ZNF263: variants seen among roughly 807,000 people sequenced by gnomAD.
ZNF263 encodes the protein zinc finger protein FPM315.
In ZNF263, 49 loss-of-function variants were observed where a neutral mutation model predicts 63.1. The observed-to-expected ratio is 0.78, with a 90% confidence interval of 0.62 to 0.99. The LOEUF is 0.99. ZNF263 is among the 50% of genes least tolerant of loss of function. ZNF263 has a pLI of 0.00. For synonymous variants in ZNF263, 352 were observed against 324.2 expected (o/e 1.09, Z -0.92); for missense variants, 872 against 854.8 (o/e 1.02, Z -0.25).
At chr16:3,296,041 T>C (rs1959736417), downstream of ZNF263, among the ~76,000 whole-genome samples, 1 of 152,112 alleles carries the variant, frequency 6.6e-6, no homozygotes, top group Non-Finnish European at 1.5e-5. Flanking sequence ...TTCACAACTT[T>C]AAACCCAGCT....
chr16:3,299,903 CA>C, intron 2 of ZNF263: 10 of 1,609,352 alleles, frequency 6.2e-6, no homozygotes, highest in Non-Finnish European at 8.5e-6. Context: ...TCCTCTTTCA[CA>C]CTTTTGGGCA....
At chr16:3,300,674 G>A in intron 2 of ZNF263, 1 of 1,512,106 alleles carries the variant, frequency 6.6e-7, no homozygotes, top group Non-Finnish European at 8.8e-7. Flanking sequence ...TTAATGAATT[G>A]GCAAAAAAAA....
downstream of ZNF263, among the ~76,000 whole-genome samples, chr16:3,293,971 G>A (rs956467194): frequency 6.6e-6 from 1 of 152,200 alleles, no homozygotes. Flanking sequence ...TGTCACCCAG[G>A]CTGGAGTGCA....
intron 2 of ZNF263, chr16:3,299,756 C>A: frequency 1.3e-6 from 2 of 1,547,174 alleles, no homozygotes; most frequent in Non-Finnish European, 1.7e-6. Flanking sequence ...CTGACGTCCT[C>A]GTCATGAAAT....
At position 3,299,988 on chromosome 16, in the gene ZNF263, C is replaced by A. The variant is rs567650006; in HGVS notation, c.*46+832C>A. On this transcript the variant is annotated intron_variant, in intron 2 of 2. Transcript: ENST00000574674. ...CATTTGCACATAAAAAGGCAGACAA[C>A]CTTTCTTTGTTTATTTTCTTCCCTG... The A allele has an allele frequency of 4.0e-5, 64 of 1,613,920 alleles. No homozygotes were observed. The highest frequency in any genetic ancestry group is 6.7e-5 in the Admixed American group (4 of 59,976).
intron 4 of ZNF263, among the ~76,000 whole-genome samples, chr16:3,287,259 C>T (rs1273300713): frequency 1.3e-5 from 2 of 152,224 alleles, no homozygotes; most frequent in East Asian, 1.9e-4. Context: ...TACAGGCATG[C>T]GCCACCACAC....
downstream of ZNF263, among the ~76,000 whole-genome samples, chr16:3,292,069 G>A (rs1596374480): frequency 1.3e-5 from 2 of 152,138 alleles, no homozygotes; most frequent in African/African-American, 4.8e-5. Flanking sequence ...TTTTAGAATG[G>A]CATATCAGAA....
rs150137943 is a variant in ZNF263, at chr16:3,290,462, G to A, written c.1956G>A (p.Thr652=). Residue 652 remains threonine (T), a synonymous_variant, in exon 6 of 6, where the codon ACG becomes ACA. Transcript: ENST00000219069. ...HSSNRIRHLR[T]HTGERPYKCS... ...CCAATCGGATTCGCCACCTGAGAAC[G>A]CATACGGGAGAGAGACCCTATAAAT... is the stretch of plus-strand genomic sequence containing the variant. The A allele has an allele frequency of 6.9e-5, 112 of 1,614,020 alleles. No individual in the cohort carries two copies. Among genetic ancestry groups the A allele is most frequent in the Admixed American group, 2.8e-4 (17 of 60,014 alleles).
Position 3,289,461 on chromosome 16 carries a change from C to T in ZNF263, c.955C>T (p.Leu319=), listed in dbSNP as rs758946655. The T allele has an allele frequency of 1.3e-6, 2 of 1,531,722 alleles. No individual in the cohort carries two copies. The highest frequency in any genetic ancestry group is 4.5e-5 in the East Asian group (2 of 44,308). The allele number at this position is 1,531,722 out of a possible 1,614,324, so 94.9% of individuals were successfully genotyped here. A position where few individuals can be genotyped will look rare whatever the true frequency, so the allele number is the denominator to read the frequency against. ...VCSENIHPQV[L]LPDQARGEVP... ...CTCTGAGAACATCCACCCTCAGGTG[C>T]TGCTTCCTGACCAGGCCCGAGGGGA... is the stretch of plus-strand genomic sequence containing the variant. The change falls in exon 6 of 6, where the codon CTG becomes TTG. Residue 319 remains leucine (L), a synonymous_variant. Transcript: ENST00000219069.
rs781282062 is a variant in ZNF263, at chr16:3,283,990, G to A, written c.172G>A (p.Ala58Thr). 6.2e-7 allele frequency: 1 copy of A among 1,613,888 alleles called. No homozygotes were observed. Among genetic ancestry groups the A allele is most frequent in the East Asian group, 2.2e-5 (1 of 44,864 alleles). ...RFQEAAGPRE[A>T]LSRLQELCHG... Reference sequence around the variant, plus strand: ...CCAAGAGGCAGCTGGTCCCCGGGAAGCCCTCAGCCGGCTCCAAGAGCTTTG... The same window carrying A: ...CCAAGAGGCAGCTGGTCCCCGGGAAACCCTCAGCCGGCTCCAAGAGCTTTG... Residue 58 changes from alanine (A) to threonine (T), a missense_variant, in exon 1 of 6, where the codon GCC (alanine) becomes ACC (threonine). Coordinates refer to ENST00000219069, the MANE Select transcript of ZNF263 (RefSeq NM_005741.5).
chr16:3,294,397 A>C (rs551427199), downstream of ZNF263, among the ~76,000 whole-genome samples: 3 of 152,376 alleles, frequency 2.0e-5, no homozygotes, highest in South Asian at 6.2e-4. Context: ...AAAACCAACT[A>C]GCAAATTTCT....
In ZNF263 at chr16:3,290,169, G is replaced by A. The variant is rs1959555720; in HGVS notation, c.1663G>A (p.Val555Met). 6.2e-7 allele frequency: 1 copy of A among 1,614,156 alleles called. No homozygotes were observed. Among genetic ancestry groups the A allele is most frequent in the Non-Finnish European group, 8.5e-7 (1 of 1,180,022 alleles). ...LYPFSECGEA[V>M]SDSTPFLTNH... ...CCCCTTCTCTGAGTGTGGGGAAGCT[G>A]TGAGTGACAGCACCCCCTTTCTTAC... Residue 555 changes from valine (V) to methionine (M), a missense_variant, in exon 6 of 6, where the codon GTG becomes ATG. Transcript: ENST00000219069.
downstream of ZNF263, among the ~76,000 whole-genome samples, chr16:3,296,089 C>A (rs1398918566): frequency 1.3e-5 from 2 of 152,214 alleles, no homozygotes; most frequent in Admixed American, 6.5e-5. Context: ...ACCTCCCCTG[C>A]TATCCAAGTC....
Position 3,290,533 on chromosome 16 carries a change from G to A in ZNF263, c.2027G>A (p.Ser676Asn), listed in dbSNP as rs770664169. ...ESFSRSSRLM[S>N]HQRTHTG ...TTCTCTCGGAGTTCCCGTCTTATGA[G>A]TCATCAGAGAACTCACACAGGTTAG... Residue 676 changes from serine to asparagine, a missense_variant, in exon 6 of 6, where the codon AGT (serine) becomes AAT (asparagine). Coordinates refer to ENST00000219069, the MANE Select transcript of ZNF263 (RefSeq NM_005741.5). The A allele has an allele frequency of 6.2e-7, 1 of 1,612,728 alleles. No homozygotes were observed. Among genetic ancestry groups the A allele is most frequent in the South Asian group, 1.1e-5 (1 of 90,946 alleles).
rs1420043855 is a variant in ZNF263, at chr16:3,297,429, A to T, written c.152-1677A>T. Among the ~76,000 whole-genome samples the T allele has an allele frequency of 2.6e-5, 4 of 151,334 alleles. No homozygotes were observed. In the East Asian group the frequency reaches 7.7e-4, roughly 29 times the overall value. On this transcript the variant is annotated intron_variant, in intron 1 of 2. Transcript: ENST00000574674. ...TAATTGCCTAGTATTCACCAGTGTA[A>T]CAGAATACCCATCTCAGAAACAGAT...
chr16:3,295,220 G>GCT (rs1959713060), downstream of ZNF263, among the ~76,000 whole-genome samples: 1 of 152,152 alleles, frequency 6.6e-6, no homozygotes, highest in African/African-American at 2.4e-5. Context: ...GGGCCTCGGG[G>GCT]CTGCCGCTCC....
chr16:3,283,710 G>A lies in ZNF263; in HGVS notation c.-109G>A. Reference sequence around the variant, plus strand: ...CGGGGCTCCTCGGCCTGGACTGGGAGCCCCCGGCCCCGGGCTCCTGCTGGC... The same window carrying A: ...CGGGGCTCCTCGGCCTGGACTGGGAACCCCCGGCCCCGGGCTCCTGCTGGC... On this transcript the variant is annotated 5_prime_UTR_variant, in exon 1 of 6. Coordinates refer to ENST00000219069, the MANE Select transcript of ZNF263 (RefSeq NM_005741.5). The A allele has an allele frequency of 2.2e-6, 3 of 1,388,632 alleles. No homozygotes were observed. The highest frequency in any genetic ancestry group is 2.8e-6 in the Non-Finnish European group (3 of 1,075,470). The allele number at this position is 1,388,632 out of a possible 1,614,324, so 86.0% of individuals were successfully genotyped here.
Position 3,290,633 on chromosome 16 carries a change from C to T in ZNF263, c.*75C>T, listed in dbSNP as rs1364883787. 7.3e-6 allele frequency: 11 copies of T among 1,508,496 alleles called. No homozygotes were observed. In the Admixed American group the frequency reaches 2.5e-4, roughly 34 times the overall value. 93.4% of individuals were successfully genotyped at this position (1,508,496 alleles called of 1,614,324 possible). A position where few individuals can be genotyped will look rare whatever the true frequency, so the allele number is the denominator to read the frequency against. ...GCCTGTTGGCAAGAGCTGGTATTCC[C>T]TGCCCAGCCGACCAAATGACCTCTG... On this transcript the variant is annotated 3_prime_UTR_variant, in exon 6 of 6. Coordinates refer to ENST00000219069, the MANE Select transcript of ZNF263 (RefSeq NM_005741.5).
chr16:3,300,097 T>G (rs1959892477), intron 2 of ZNF263: 2 of 1,614,108 alleles, frequency 1.2e-6, no homozygotes, highest in Non-Finnish European at 1.7e-6. Flanking sequence ...ACTGTATAGC[T>G]GAGCTAGACA....
Sources: gnomAD v4.1 joint callset for allele counts (sites outside exome capture counted in the v4.1 genomes callset) on GRCh38, gnomAD v4.1.1 for gene constraint, MANE v1.5 for transcripts, NCBI Gene and HGNC (gene_info 2026-07-23, HGNC 2026-07-21) for gene names.